ADGRV1: variants seen among roughly 807,000 people sequenced by gnomAD.
The protein encoded by ADGRV1 is G-protein coupled receptor 98.
In ADGRV1, 359 loss-of-function variants were observed where a neutral mutation model predicts 596.2. The ratio of observed to expected loss-of-function variants is 0.60; its 90% CI spans 0.55 to 0.66. The LOEUF is 0.66. ADGRV1 is among the 30% of genes least tolerant of loss of function. The probability of loss-of-function intolerance (pLI) is 0.00; values close to 1 mark genes in which losing one functional copy is unlikely to be tolerated. For synonymous variants in ADGRV1, 2,681 were observed against 2,679.2 expected (o/e 1.00, Z -0.02); for missense variants, 7,274 against 7,575.6 (o/e 0.96, Z 1.48).
rs1580524879 is a variant in ADGRV1, at chr5:90,632,655, CAATT to C, written c.1840-2454_1840-2451del. Reference sequence around the variant, plus strand: ...GCTTCAGCATTCTATATAAACATGACAATTAATTTTTGATGACACTTGAAAGCTA... The same window carrying C: ...GCTTCAGCATTCTATATAAACATGACAATTTTTGATGACACTTGAAAGCTA... On this transcript the variant is annotated intron_variant, in intron 9 of 89. Coordinates refer to ENST00000405460, the MANE Select transcript of ADGRV1 (RefSeq NM_032119.4). 2.0e-5 allele frequency among the ~76,000 whole-genome samples: 3 copies of C among 152,088 alleles called. No individual in the cohort carries two copies. In the South Asian group the frequency reaches 6.2e-4, roughly 31 times the overall value.
rs78135881 is a variant in ADGRV1 at position 90,668,874 on chromosome 5, G to A, written c.4753-3672G>A. ...AAATATAGTTAGGTAACTTTTCCCT[G>A]TGACTTTTGCAAACAAAATCCTCAT... On this transcript the variant is annotated intron_variant, in intron 21 of 89. Coordinates refer to ENST00000405460, the MANE Select transcript of ADGRV1 (RefSeq NM_032119.4). Among the ~76,000 whole-genome samples, 101 of 152,214 alleles carry A rather than the reference G, an allele frequency of 6.6e-4. 1 individual carries two copies. The East Asian group carries it at 0.014, about 22-fold the overall frequency.
At chr5:90,975,832 C>A (rs573396247) in intron 84 of ADGRV1, among the ~76,000 whole-genome samples, 2 of 146,668 alleles carry the variant, frequency 1.4e-5, no homozygotes, top group Admixed American at 1.4e-4. Flanking sequence ...TGCACATGTA[C>A]CCTAGAACTT....
intron 83 of ADGRV1, among the ~76,000 whole-genome samples, chr5:90,901,359 G>A (rs190076928): frequency 2.6e-5 from 4 of 152,164 alleles, no homozygotes; most frequent in Non-Finnish European, 5.9e-5. Flanking sequence ...ATGGAAGTGA[G>A]ATATGAGTAT....
chr5:90,948,820 A>G (rs1386697337), intron 83 of ADGRV1, among the ~76,000 whole-genome samples: 2 of 152,118 alleles, frequency 1.3e-5, no homozygotes, highest in Non-Finnish European at 2.9e-5. Flanking sequence ...GGAAAACAGA[A>G]TGGTTGTGTG....
At chr5:90,833,735 A>G (rs1764715617) in intron 77 of ADGRV1, among the ~76,000 whole-genome samples, 1 of 152,058 alleles carries the variant, frequency 6.6e-6, no homozygotes, top group African/African-American at 2.4e-5. Context: ...TGATTTTTGT[A>G]TGTTGATTTT....
At chr5:91,054,174 A>G (rs1190180300) in intron 85 of ADGRV1, among the ~76,000 whole-genome samples, 1 of 151,746 alleles carries the variant, frequency 6.6e-6, no homozygotes, top group African/African-American at 2.4e-5. Flanking sequence ...GCAAACCGGG[A>G]TGAATGTATA....
intron 83 of ADGRV1, among the ~76,000 whole-genome samples, chr5:90,896,219 A>G (rs936767534): frequency 2.0e-4 from 31 of 151,536 alleles, no homozygotes; most frequent in Non-Finnish European, 3.5e-4. Context: ...TTTATTCTGA[A>G]ATAATCAGAT....
intron 84 of ADGRV1, among the ~76,000 whole-genome samples, chr5:90,968,953 G>A (rs139228608): frequency 5.9e-5 from 9 of 152,074 alleles, no homozygotes; most frequent in Admixed American, 5.2e-4. Context: ...AATTGTTAAC[G>A]TTTATTTTTA....
intron 76 of ADGRV1, among the ~76,000 whole-genome samples, chr5:90,828,052 T>C (rs1170180265): frequency 6.6e-6 from 1 of 152,188 alleles, no homozygotes; most frequent in East Asian, 1.9e-4. Context: ...TTGTGGATGA[T>C]TTTGTTAAGA....
At chr5:90,807,784 C>A in intron 73 of ADGRV1, 47 bp downstream of exon 73, 1 of 1,462,296 alleles carries the variant, frequency 6.8e-7, no homozygotes, top group Non-Finnish European at 9.2e-7. Flanking sequence ...GAGGAATAAT[C>A]TGGAATTCAT....
chr5:90,911,097 A>G (rs1415217830), intron 83 of ADGRV1, among the ~76,000 whole-genome samples: 1 of 152,216 alleles, frequency 6.6e-6, no homozygotes, highest in Non-Finnish European at 1.5e-5. Context: ...CGTTCTACAA[A>G]TAAACCTGGT....
intron 87 of ADGRV1, among the ~76,000 whole-genome samples, chr5:91,112,969 A>G (rs529311966): frequency 6.6e-6 from 1 of 152,274 alleles, no homozygotes; most frequent in South Asian, 2.1e-4. Context: ...TTATCTCAGG[A>G]TATATATAAA....
intron 73 of ADGRV1, among the ~76,000 whole-genome samples, chr5:90,809,188 C>T (rs1762198522): frequency 6.6e-6 from 1 of 151,440 alleles, no homozygotes; most frequent in Admixed American, 6.6e-5. Flanking sequence ...GATCTCCTGA[C>T]CTCGTGATCC....
intron 85 of ADGRV1, among the ~76,000 whole-genome samples, chr5:91,002,449 G>A (rs1021311407): frequency 2.0e-5 from 3 of 152,012 alleles, no homozygotes; most frequent in Admixed American, 6.6e-5. Flanking sequence ...CTTCCAATGC[G>A]AATGTCAGGT....
Position 90,627,518 on chromosome 5 carries a change from C to T in ADGRV1, c.980C>T (p.Pro327Leu). The change falls in exon 7 of 90, where the codon CCA becomes CTA. Residue 327 changes from proline to leucine, a missense_variant. Physicochemically the swap from Pro to Leu is moderately conservative, Grantham distance 98. This residue lies in a region of ADGRV1 where 1,715 missense variants were observed against 1,708.8 expected (regional missense o/e 1.00). Coordinates refer to ENST00000405460, the MANE Select transcript of ADGRV1 (RefSeq NM_032119.4). Reference protein sequence around the residue: ...QQNLDFIDLQPNTTVVFPPFI... With the variant: ...QQNLDFIDLQLNTTVVFPPFI... The stretch of plus-strand genomic sequence containing the variant: ...AATCTGGACTTCATTGATCTTCAGC[C>T]AAACACAACTGTTGTTTTTCCACCT... 6.2e-7 allele frequency: 1 copy of T among 1,613,892 alleles called. No homozygotes were observed. The highest frequency in any genetic ancestry group is 8.5e-7 in the Non-Finnish European group (1 of 1,179,808).
chr5:90,765,869 GT>G (rs569009519), intron 59 of ADGRV1, among the ~76,000 whole-genome samples: 55 of 141,544 alleles, frequency 3.9e-4, no homozygotes, highest in East Asian at 1.8e-3. Context: ...ATGCCTGGCT[GT>G]TTTTTTTTTT....
intron 21 of ADGRV1, among the ~76,000 whole-genome samples, chr5:90,661,375 A>G (rs950630536): frequency 2.0e-5 from 3 of 152,188 alleles, no homozygotes; most frequent in Non-Finnish European, 1.5e-5. Context: ...CTTCATGAAA[A>G]CAAGAATATC....
chr5:90,704,631 A>C, intron 36 of ADGRV1, 143 bp downstream of exon 36: 3 of 478,336 alleles, frequency 6.3e-6, no homozygotes. Context: ...ATGTTAGATC[A>C]AAAAAAATTA....
At chr5:90,938,026 G>T (rs1775858387) in intron 83 of ADGRV1, among the ~76,000 whole-genome samples, 1 of 151,738 alleles carries the variant, frequency 6.6e-6, no homozygotes, top group Non-Finnish European at 1.5e-5. Flanking sequence ...TTTTTGTTCC[G>T]TTTCTGGTTC....
Sources: gnomAD v4.1 joint callset for allele counts (sites outside exome capture counted in the v4.1 genomes callset) on GRCh38, gnomAD v4.1.1 for gene constraint, gnomAD v4.1.1 regional missense constraint, MANE v1.5 for transcripts, NCBI Gene and HGNC (gene_info 2026-07-23, HGNC 2026-07-21) for gene names.